The following SEMA5B variants were observed in gnomAD, a reference collection of about 807,000 sequenced individuals.
SEMA5B encodes semaphorin-5B.
A neutral mutation model predicts 135.0 loss-of-function variants in SEMA5B; 66 were observed. That is an observed-to-expected ratio of 0.49 (90% confidence interval 0.40 to 0.60). The LOEUF (loss-of-function observed/expected upper bound fraction) is 0.60. Among genes scored for constraint, SEMA5B ranks in the 20% least tolerant of loss-of-function variants. The pLI is 0.00. For synonymous variants in SEMA5B, 690 were observed against 639.5 expected (o/e 1.08, Z -1.19); for missense variants, 1,501 against 1,566.3 (o/e 0.96, Z 0.70).
intron 14 of SEMA5B, 102 bp from the exon 15 acceptor site, chr3:122,914,103 G>A (rs1937936131): frequency 2.3e-6 from 3 of 1,281,434 alleles, no homozygotes; most frequent in Non-Finnish European, 3.1e-6. Flanking sequence ...CTGTCAGAAA[G>A]GGCTGGACAG....
intron 19 of SEMA5B, 25 bp downstream of exon 19, chr3:122,912,147 A>G (rs772350200): frequency 6.3e-7 from 1 of 1,580,228 alleles, no homozygotes; most frequent in Admixed American, 1.7e-5. Context: ...GTCGCTTCCC[A>G]GCCCTGGCGG....
intron 2 of SEMA5B, 27 bp downstream of exon 2, chr3:122,961,113 C>T (rs1224686743): frequency 1.3e-6 from 2 of 1,582,754 alleles, no homozygotes; most frequent in South Asian, 2.3e-5. Flanking sequence ...CTGCTGCAGC[C>T]CCCCACACTC....
intron 12 of SEMA5B, 31 bp from the exon 13 acceptor site, chr3:122,915,921 C>G (rs1265296934): frequency 6.4e-7 from 1 of 1,568,808 alleles, no homozygotes; most frequent in Non-Finnish European, 8.8e-7. Flanking sequence ...GATTCAAGCC[C>G]ACTGGCTTCC....
chr3:123,011,327 C>T (rs1156853191), intron 1 of SEMA5B, among the ~76,000 whole-genome samples: 1 of 152,260 alleles, frequency 6.6e-6, no homozygotes, highest in Non-Finnish European at 1.5e-5. Context: ...TCACATCGAT[C>T]ATCCAAGACA....
chr3:123,027,240 G>A, intron 1 of SEMA5B: 1 of 152,498 alleles, frequency 6.6e-6, no homozygotes, highest in Non-Finnish European at 1.5e-5. Context: ...CTGGCTGGCG[G>A]CGGGAACGCA....
intron 1 of SEMA5B, among the ~76,000 whole-genome samples, chr3:123,020,674 A>G (rs1210130002): frequency 1.3e-5 from 2 of 152,234 alleles, no homozygotes. Context: ...ATGGCTGCCT[A>G]TTCGAAGCTC....
At chr3:122,913,712 GA>G in intron 15 of SEMA5B, 31 bp from the exon 16 acceptor site, 2 of 1,608,308 alleles carry the variant, frequency 1.2e-6, no homozygotes, top group Non-Finnish European at 1.7e-6. Flanking sequence ...TCAATCCAGG[GA>G]GGGGGACCCC....
chr3:123,001,225 C>G (rs1480071259), intron 1 of SEMA5B, among the ~76,000 whole-genome samples: 1 of 152,146 alleles, frequency 6.6e-6, no homozygotes, highest in South Asian at 2.1e-4. Flanking sequence ...ACCACAGCAT[C>G]CCCACCCTCT....
chr3:122,911,403 A>G, intron 21 of SEMA5B, 88 bp downstream of exon 21: 2 of 1,562,390 alleles, frequency 1.3e-6, no homozygotes, highest in Middle Eastern at 1.7e-4. Flanking sequence ...GGCTGTCTGG[A>G]GCAGGATGTG....
chr3:122,943,544 G>C lies in SEMA5B; in HGVS notation c.329-9C>G. 1 of 1,591,100 alleles carries C rather than the reference G, an allele frequency of 6.3e-7. No homozygotes were observed. The highest frequency in any genetic ancestry group is 8.6e-7 in the Non-Finnish European group (1 of 1,165,584). On this transcript the variant is annotated splice_polypyrimidine_tract_variant and intron_variant, in intron 3 of 22. Transcript: ENST00000357599. ...GACCCACGGCTGCAGGTCTGGTGGA[G>C]GGAGAGGCAACCCTGTGGTTACTGT...
chr3:122,987,417 GCAC>G (rs1285238704), intron 1 of SEMA5B, among the ~76,000 whole-genome samples: 1 of 152,196 alleles, frequency 6.6e-6, no homozygotes, highest in Non-Finnish European at 1.5e-5. Context: ...CCTGCTATCA[GCAC>G]CCCACTGAGT....
At position 122,910,054 on chromosome 3, in the gene SEMA5B, G is replaced by T; in HGVS notation, c.*89C>A. 1 of 1,418,570 alleles carries T rather than the reference G, an allele frequency of 7.0e-7. No individual in the cohort carries two copies. Among genetic ancestry groups the T allele is most frequent in the South Asian group, 1.4e-5 (1 of 72,996 alleles). 87.9% of individuals were successfully genotyped at this position (1,418,570 alleles called of 1,614,324 possible). ...CAGCAAGTTCTTGGCCTAGTGCAGA[G>T]GGAGAAAACCAAACTGGCTCCACTG... On this transcript the variant is annotated 3_prime_UTR_variant, in exon 23 of 23. Coordinates refer to ENST00000357599, the MANE Select transcript of SEMA5B (RefSeq NM_001031702.4).
chr3:122,928,879 A>T, intron 6 of SEMA5B, 117 bp downstream of exon 6: 1 of 1,046,550 alleles, frequency 9.6e-7, no homozygotes, highest in Non-Finnish European at 1.4e-6. Context: ...GCCCCAGCTC[A>T]TCCTGGCCAG....
chr3:122,988,930 G>A (rs1941781614), intron 1 of SEMA5B, among the ~76,000 whole-genome samples: 1 of 152,200 alleles, frequency 6.6e-6, no homozygotes, highest in Non-Finnish European at 1.5e-5. Context: ...CAGCCCTTCT[G>A]CTCTGGAGAA....
intron 1 of SEMA5B, among the ~76,000 whole-genome samples, chr3:123,001,193 G>A (rs1296580037): frequency 6.6e-6 from 1 of 152,184 alleles, no homozygotes; most frequent in African/African-American, 2.4e-5. Flanking sequence ...GGAAATCTCA[G>A]GGGAGTCTGA....
At chr3:122,992,456 T>C (rs1168130395) in intron 1 of SEMA5B, among the ~76,000 whole-genome samples, 2 of 152,150 alleles carry the variant, frequency 1.3e-5, no homozygotes, top group African/African-American at 4.8e-5. Flanking sequence ...GGAGCACCTG[T>C]GGGTGTGGGG....
intron 9 of SEMA5B, among the ~76,000 whole-genome samples, chr3:122,925,100 C>G (rs546667938): frequency 1.2e-4 from 19 of 152,250 alleles, no homozygotes; most frequent in Non-Finnish European, 7.4e-5. Context: ...CGGTCCACCC[C>G]CTCACACTGT....
chr3:122,955,182 G>A (rs560969025), intron 2 of SEMA5B, among the ~76,000 whole-genome samples: 34 of 151,992 alleles, frequency 2.2e-4, no homozygotes, highest in Non-Finnish European at 3.1e-4. Flanking sequence ...GCTAAGCTAG[G>A]TGGAACCTGG....
At chr3:122,983,098 C>G (rs1941575874) in intron 1 of SEMA5B, among the ~76,000 whole-genome samples, 1 of 152,182 alleles carries the variant, frequency 6.6e-6, no homozygotes, top group South Asian at 2.1e-4. Flanking sequence ...ATTCCCCCAA[C>G]CCCACCTGCA....
Sources: gnomAD v4.1 joint callset for allele counts (sites outside exome capture counted in the v4.1 genomes callset) on GRCh38, gnomAD v4.1.1 for gene constraint, MANE v1.5 for transcripts, NCBI Gene and HGNC (gene_info 2026-07-23, HGNC 2026-07-21) for gene names.